The following PIAS2 variants were observed in gnomAD, a reference collection of about 807,000 sequenced individuals.
The protein encoded by PIAS2 is E3 SUMO-protein ligase PIAS2.
PIAS2 carries 19 observed loss-of-function variants against 69.7 expected under a neutral mutation model. That is an observed-to-expected ratio of 0.27 (90% CI 0.19 to 0.40). The LOEUF (loss-of-function observed/expected upper bound fraction) is 0.40. Ranked by LOEUF, PIAS2 falls within the 10% of genes least tolerant of loss-of-function variation. The probability of loss-of-function intolerance (pLI) is 1.00; values close to 1 mark genes in which losing one functional copy is unlikely to be tolerated. For missense variants in PIAS2, 624 were observed against 757.0 expected (o/e 0.82, Z 2.06); for synonymous variants, 261 against 263.2 (o/e 0.99, Z 0.08).
chr18:46,827,833 C>A, intron 11 of PIAS2, 126 bp downstream of exon 11: 6 of 791,084 alleles, frequency 7.6e-6, no homozygotes, highest in Non-Finnish European at 7.7e-6. Context: ...AATATTTCAA[C>A]TCAACAAAGG....
chr18:46,853,217 T>C (rs865779348), intron 5 of PIAS2: 2 of 125,556 alleles, frequency 1.6e-5, no homozygotes, highest in Non-Finnish European at 3.5e-5. Context: ...AGGCTAAGAC[T>C]GCAGAGTGAG....
At chr18:46,873,395 C>T (rs1319463600) in intron 2 of PIAS2, among the ~76,000 whole-genome samples, 1 of 152,084 alleles carries the variant, frequency 6.6e-6, no homozygotes, top group Admixed American at 6.5e-5. Flanking sequence ...AGACCCTTTT[C>T]AAAACAGGAC....
chr18:46,839,390 G>C (rs1047566470), intron 8 of PIAS2, among the ~76,000 whole-genome samples: 3 of 152,056 alleles, frequency 2.0e-5, no homozygotes, highest in Non-Finnish European at 2.9e-5. Context: ...TACTAGTAAT[G>C]TTACTTCTGA....
At chr18:46,823,054 T>C (rs562890058) in intron 11 of PIAS2, among the ~76,000 whole-genome samples, 8 of 140,322 alleles carry the variant, frequency 5.7e-5, no homozygotes, top group Non-Finnish European at 9.2e-5. Context: ...CTACGGAACA[T>C]AGGGAGACCT....
chr18:46,821,732 T>C lies in PIAS2; in HGVS notation c.1509-660A>G, dbSNP rs143218384. Among the ~76,000 whole-genome samples, 8 of 152,116 alleles carry C rather than the reference T, an allele frequency of 5.3e-5. No individual in the cohort carries two copies. In the East Asian group the frequency reaches 1.5e-3, roughly 29 times the overall value. ...CCAGGTAGGTGAAATCCTAAGAGAG[T>C]TTATGATTTTAAAATTAGCTGTTCA... On this transcript the variant is annotated intron_variant, in intron 11 of 13. Coordinates refer to ENST00000585916, the MANE Select transcript of PIAS2 (RefSeq NM_004671.5).
At chr18:46,854,332 T>C (rs1482085059) in intron 5 of PIAS2, among the ~76,000 whole-genome samples, 1 of 152,194 alleles carries the variant, frequency 6.6e-6, no homozygotes, top group African/African-American at 2.4e-5. Context: ...CTTCCCCATT[T>C]CCTCAATAGT....
At chr18:46,864,343 C>T in intron 2 of PIAS2, 95 bp from the exon 3 acceptor site, 1 of 727,120 alleles carries the variant, frequency 1.4e-6, no homozygotes, top group Non-Finnish European at 2.3e-6. Flanking sequence ...AAAGTACCTG[C>T]CAAATTCTGA....
rs1411572436 is a variant in PIAS2, at chr18:46,815,297, A to C, written c.1686+15T>G. 1.9e-6 allele frequency: 3 copies of C among 1,608,296 alleles called. No homozygotes were observed. Among genetic ancestry groups the C allele is most frequent in the South Asian group, 2.2e-5 (2 of 90,698 alleles). Reference sequence around the variant, plus strand: ...AATCAAATACAAATTAGTTGCTTAAATTCAGGATACATACCTGGGGATCAA... The same window carrying C: ...AATCAAATACAAATTAGTTGCTTAACTTCAGGATACATACCTGGGGATCAA... On this transcript the variant is annotated intron_variant, in intron 13 of 13. Coordinates refer to ENST00000585916, the MANE Select transcript of PIAS2 (RefSeq NM_004671.5).
At position 46,859,427 on chromosome 18, in the gene PIAS2, C is replaced by CAAAAAA. The variant is rs55776913; in HGVS notation, c.585-3818_585-3813dup. ...TGGGTGACAGAGCGAGACTCCGTCT[C>CAAAAAA]AAAAAAAAAAAAAAAAAAAAAAAAA... is the stretch of plus-strand genomic sequence containing the variant. On this transcript the variant is annotated intron_variant, in intron 3 of 13. Coordinates refer to ENST00000585916, the MANE Select transcript of PIAS2 (RefSeq NM_004671.5). Among the ~76,000 whole-genome samples, 63 of 89,550 alleles carry CAAAAAA rather than the reference C, an allele frequency of 7.0e-4. 2 individuals carry two copies. Among genetic ancestry groups the CAAAAAA allele is most frequent in the African/African-American group, 1.2e-3 (24 of 19,680 alleles). 58.7% of individuals were successfully genotyped at this position (89,550 alleles called of 152,430 possible). A position where few individuals can be genotyped will look rare whatever the true frequency, so the allele number is the denominator to read the frequency against.
In PIAS2 at chr18:46,879,486, GA is replaced by G. The variant is rs1327262231; in HGVS notation, c.499+11093del. Among the ~76,000 whole-genome samples the G allele has an allele frequency of 4.6e-5, 7 of 152,278 alleles. No homozygotes were observed. The East Asian group carries it at 1.3e-3, about 29-fold the overall frequency. Reference sequence around the variant, plus strand: ...AATGTAAAATGGTGCAGCTGCTGTGGAAAACAGTTTAGTGGTTCCTCAAATA... The same window carrying G: ...AATGTAAAATGGTGCAGCTGCTGTGGAAACAGTTTAGTGGTTCCTCAAATA... On this transcript the variant is annotated intron_variant, in intron 2 of 13. Transcript: ENST00000585916.
Position 46,831,858 on chromosome 18 carries a change from G to A in PIAS2, c.1203-1991C>T, listed in dbSNP as rs976329443. Reference sequence around the variant, plus strand: ...AAAGTAAATTATAAAACTTCTACAGGAAGCTCAGAAAAAATATTTGTGACC... The same window carrying A: ...AAAGTAAATTATAAAACTTCTACAGAAAGCTCAGAAAAAATATTTGTGACC... On this transcript the variant is annotated intron_variant, in intron 9 of 13. Coordinates refer to ENST00000585916, the MANE Select transcript of PIAS2 (RefSeq NM_004671.5). Among the ~76,000 whole-genome samples, 4 of 152,118 alleles carry A rather than the reference G, an allele frequency of 2.6e-5. No homozygotes were observed. In the East Asian group the frequency reaches 7.7e-4, roughly 29 times the overall value.
At chr18:46,872,990 G>T (rs1396106977) in intron 2 of PIAS2, among the ~76,000 whole-genome samples, 1 of 152,166 alleles carries the variant, frequency 6.6e-6, no homozygotes, top group Non-Finnish European at 1.5e-5. Context: ...AGCTTTAGGG[G>T]TGCTTACTCA....
chr18:46,837,312 A>G (rs1031075879), intron 8 of PIAS2, among the ~76,000 whole-genome samples: 4 of 151,782 alleles, frequency 2.6e-5, no homozygotes, highest in African/African-American at 9.7e-5. Flanking sequence ...GAAGGTGACA[A>G]ATATCCCATT....
chr18:46,832,571 T>C (rs2043806343), intron 9 of PIAS2, among the ~76,000 whole-genome samples: 1 of 152,090 alleles, frequency 6.6e-6, no homozygotes, highest in African/African-American at 2.4e-5. Flanking sequence ...AGTACCACTA[T>C]ATACCACTAG....
chr18:46,822,067 G>A (rs919867452), intron 11 of PIAS2, among the ~76,000 whole-genome samples: 36 of 152,156 alleles, frequency 2.4e-4, no homozygotes, highest in Middle Eastern at 3.2e-3. Flanking sequence ...GCTAGACTGG[G>A]ATAACCTCTG....
Position 46,825,421 on chromosome 18 carries a change from T to C in PIAS2, c.1508+2538A>G, listed in dbSNP as rs560033450. Among the ~76,000 whole-genome samples, 74 of 152,276 alleles carry C rather than the reference T, an allele frequency of 4.9e-4. 1 individual carries two copies. Among genetic ancestry groups the C allele is most frequent in the African/African-American group, 8.4e-4 (35 of 41,566 alleles). ...AGTCCACTGGACCTAAATCTGGTAA[T>C]AAAGAACAAACTTAATCCAGCTAGT... On this transcript the variant is annotated intron_variant, in intron 11 of 13. Transcript: ENST00000585916.
intron 2 of PIAS2, among the ~76,000 whole-genome samples, chr18:46,886,022 G>C (rs1193816894): frequency 6.6e-6 from 1 of 152,198 alleles, no homozygotes; most frequent in Non-Finnish European, 1.5e-5. Flanking sequence ...AAAAAAGCAG[G>C]AAGGTAAGGA....
intron 5 of PIAS2, among the ~76,000 whole-genome samples, chr18:46,854,951 TCCTTGA>T (rs2047521433): frequency 6.6e-6 from 1 of 152,052 alleles, no homozygotes; most frequent in Admixed American, 6.5e-5. Flanking sequence ...TTTCACAGCA[TCCTTGA>T]TTTCTTAAGT....
In PIAS2 at chr18:46,917,355, C is replaced by A; in HGVS notation, c.-10G>T. 2 of 1,464,838 alleles carry A rather than the reference C, an allele frequency of 1.4e-6. No homozygotes were observed. Among genetic ancestry groups the A allele is most frequent in the African/African-American group, 1.5e-5 (1 of 67,378 alleles). The allele number at this position is 1,464,838 out of a possible 1,614,324, so 90.7% of individuals were successfully genotyped here. A position where few individuals can be genotyped will look rare whatever the true frequency, so the allele number is the denominator to read the frequency against. ...CTTCGAAATCCGCCATTTTATACCACCCGCGGGCGCCGCCGCCGCTGCCGC... is the reference window on the plus strand; with the variant it reads ...CTTCGAAATCCGCCATTTTATACCAACCGCGGGCGCCGCCGCCGCTGCCGC... On this transcript the variant is annotated 5_prime_UTR_variant, in exon 1 of 14. Coordinates refer to ENST00000585916, the MANE Select transcript of PIAS2 (RefSeq NM_004671.5).
Sources: allele counts gnomAD v4.1 joint callset (sites outside exome capture counted in the v4.1 genomes callset), GRCh38; gene constraint gnomAD v4.1.1; transcripts MANE v1.5; gene names NCBI Gene and HGNC (gene_info 2026-07-23, HGNC 2026-07-21).